The following ERCC6L2 variants were observed in gnomAD, a reference collection of about 807,000 sequenced individuals.
ERCC6L2 encodes ERCC excision repair 6 like 2, also known as DNA excision repair protein ERCC-6-like 2.
Under a neutral mutation model 132.0 loss-of-function variants are expected in ERCC6L2, and 77 were observed. That is an observed-to-expected ratio of 0.58 (90% CI 0.49 to 0.71). The LOEUF (loss-of-function observed/expected upper bound fraction) is 0.71, where lower values mean the gene tolerates loss of function less well. Ranked by LOEUF, ERCC6L2 falls within the 30% of genes least tolerant of loss-of-function variation. The pLI, the probability that ERCC6L2 is intolerant of heterozygous loss-of-function variation, is 0.00. For synonymous variants in ERCC6L2, 583 were observed against 632.4 expected (o/e 0.92, Z 1.17); for missense variants, 1,542 against 1,837.6 (o/e 0.84, Z 2.94).
intron 6 of ERCC6L2, among the ~76,000 whole-genome samples, chr9:95,920,654 G>A (rs1481677806): frequency 6.6e-6 from 1 of 152,048 alleles, no homozygotes; most frequent in African/African-American, 2.4e-5. Flanking sequence ...AATTCTATGA[G>A]GTTTATTTGA....
intron 17 of ERCC6L2, among the ~76,000 whole-genome samples, chr9:95,991,587 A>G (rs1478196802): frequency 1.3e-5 from 2 of 152,238 alleles, no homozygotes; most frequent in Non-Finnish European, 2.9e-5. Flanking sequence ...CTTCAAAGAA[A>G]ACAATGGATA....
chr9:95,947,265 G>A (rs1463299999), intron 12 of ERCC6L2, among the ~76,000 whole-genome samples: 1 of 152,156 alleles, frequency 6.6e-6, no homozygotes. Context: ...TTGCTGATAC[G>A]AAGAAAGTTT....
At chr9:95,931,075 T>A (rs1830317347) in intron 11 of ERCC6L2, among the ~76,000 whole-genome samples, 1 of 152,246 alleles carries the variant, frequency 6.6e-6, no homozygotes, top group Non-Finnish European at 1.5e-5. Context: ...AAGATAATTT[T>A]TCTTAATGTT....
At chr9:95,918,092 C>A in intron 6 of ERCC6L2, 3 of 308,004 alleles carry the variant, frequency 9.7e-6, no homozygotes, top group Admixed American at 3.7e-5. Context: ...TGCCATGCAT[C>A]CTTCTTCAGT....
chr9:95,916,114 CT>C, intron 5 of ERCC6L2, 112 bp from the exon 6 acceptor site: 1 of 1,018,240 alleles, frequency 9.8e-7, no homozygotes, highest in Non-Finnish European at 1.5e-6. Flanking sequence ...GTTTTCTTGG[CT>C]TTTGTTTTTG....
At chr9:95,887,281 C>T (rs1401172915) in intron 2 of ERCC6L2, among the ~76,000 whole-genome samples, 1 of 152,016 alleles carries the variant, frequency 6.6e-6, no homozygotes, top group Non-Finnish European at 1.5e-5. Context: ...TTTTGGAAAC[C>T]CACCAAACTT....
At chr9:95,879,286 T>A (rs879943939) in intron 1 of ERCC6L2, among the ~76,000 whole-genome samples, 1 of 152,258 alleles carries the variant, frequency 6.6e-6, no homozygotes, top group Non-Finnish European at 1.5e-5. Context: ...AGACTATTAG[T>A]CACCATCATT....
At chr9:96,030,987 C>T (rs1472635851) in intron 19 of ERCC6L2, among the ~76,000 whole-genome samples, 1 of 152,214 alleles carries the variant, frequency 6.6e-6, no homozygotes, top group Non-Finnish European at 1.5e-5. Flanking sequence ...TTCCAGGGGT[C>T]TGTGAGTATA....
At chr9:95,886,996 G>A (rs143470725) in intron 2 of ERCC6L2, among the ~76,000 whole-genome samples, 1 of 152,334 alleles carries the variant, frequency 6.6e-6, no homozygotes, top group African/African-American at 2.4e-5. Flanking sequence ...AACTTGGACT[G>A]GCTCTCCTTG....
At chr9:96,032,480 C>T (rs1834472609) in intron 19 of ERCC6L2, among the ~76,000 whole-genome samples, 1 of 152,186 alleles carries the variant, frequency 6.6e-6, no homozygotes, top group African/African-American at 2.4e-5. Context: ...GGCTCTTTTA[C>T]CTTTGCCTCG....
chr9:95,972,036 C>CA lies in ERCC6L2; in HGVS notation c.2286dup (p.Val763SerfsTer18). On this transcript the variant is annotated frameshift_variant, in exon 16 of 19. Coordinates refer to ENST00000653738, the MANE Select transcript of ERCC6L2 (RefSeq NM_020207.7). LOFTEE classifies it high-confidence loss of function. ...TGCAGTGACTTCAGTGATGAAGAGC[C>CA]AGTGGGAGCCACAGGAATAAAGACT... is the stretch of plus-strand genomic sequence containing the variant. 7.7e-7 allele frequency: 1 copy of CA among 1,304,246 alleles called. No homozygotes were observed. The highest frequency in any genetic ancestry group is 1.0e-6 in the Non-Finnish European group (1 of 988,952). The allele number at this position is 1,304,246 out of a possible 1,614,324, so 80.8% of individuals were successfully genotyped here.
intron 12 of ERCC6L2, among the ~76,000 whole-genome samples, chr9:95,953,903 ATACT>A (rs1275736850): frequency 6.6e-6 from 1 of 152,180 alleles, no homozygotes; most frequent in African/African-American, 2.4e-5. Flanking sequence ...TTTATTTATA[ATACT>A]TAATATTTTG....
chr9:95,918,465 G>T, intron 6 of ERCC6L2: 1 of 487,004 alleles, frequency 2.1e-6, no homozygotes, highest in Admixed American at 2.1e-5. Context: ...AGGTCCTGCA[G>T]GTCTGTTGGC....
At chr9:95,931,610 T>C (rs1452068063) in intron 11 of ERCC6L2, among the ~76,000 whole-genome samples, 2 of 152,238 alleles carry the variant, frequency 1.3e-5, no homozygotes, top group African/African-American at 4.8e-5. Context: ...TAATTCTAAA[T>C]TGAAAATCAT....
At position 96,016,080 on chromosome 9, in the gene ERCC6L2, AC is replaced by A. The variant is rs992180915; in HGVS notation, c.*2882del. On this transcript the variant is annotated 3_prime_UTR_variant, in exon 19 of 19. Transcript: ENST00000653738. ...AGGAAGGTTTGACAAGATCCTTCCT[AC>A]CCCCACTCCACTGGTGATGTGTCAC... Among the ~76,000 whole-genome samples the A allele has an allele frequency of 4.6e-5, 7 of 152,122 alleles. No homozygotes were observed. The highest frequency in any genetic ancestry group is 1.2e-4 in the African/African-American group (5 of 41,422).
rs1027507126 is a variant in ERCC6L2, at chr9:96,016,900, G to GT, written c.*3704dup. Among the ~76,000 whole-genome samples the GT allele has an allele frequency of 2.0e-5, 3 of 151,706 alleles. No homozygotes were observed. Among genetic ancestry groups the GT allele is most frequent in the Admixed American group, 6.6e-5 (1 of 15,212 alleles). On this transcript the variant is annotated 3_prime_UTR_variant, in exon 19 of 19. Coordinates refer to ENST00000653738, the MANE Select transcript of ERCC6L2 (RefSeq NM_020207.7). Reference sequence around the variant, plus strand: ...ATGGGGATCACTGCCTGCCTTAAAGGTTTTTTTGTGTGTTTGTTTGTTTGT... The same window carrying GT: ...ATGGGGATCACTGCCTGCCTTAAAGGTTTTTTTTGTGTGTTTGTTTGTTTGT...
intron 1 of ERCC6L2, among the ~76,000 whole-genome samples, chr9:95,877,823 AAAG>A (rs1488591343): frequency 6.6e-6 from 1 of 152,082 alleles, no homozygotes; most frequent in Non-Finnish European, 1.5e-5. Flanking sequence ...AAGAAAAAAA[AAAG>A]AATGTGTAAT....
intron 17 of ERCC6L2, among the ~76,000 whole-genome samples, chr9:95,993,827 T>C (rs553145308): frequency 5.3e-5 from 8 of 152,356 alleles, no homozygotes; most frequent in African/African-American, 1.9e-4. Context: ...AAAACTTTCA[T>C]CTCCCTCTCT....
intron 13 of ERCC6L2, among the ~76,000 whole-genome samples, 199 bp from the exon 14 acceptor site, chr9:95,966,363 C>CG (rs1354292756): frequency 2.0e-5 from 3 of 152,196 alleles, no homozygotes; most frequent in Non-Finnish European, 2.9e-5. Flanking sequence ...TATAAGATCT[C>CG]TGTTTCAATA....
Sources: gnomAD v4.1 joint callset for allele counts (sites outside exome capture counted in the v4.1 genomes callset) on GRCh38, gnomAD v4.1.1 for gene constraint, MANE v1.5 for transcripts, NCBI Gene and HGNC (gene_info 2026-07-23, HGNC 2026-07-21) for gene names.